The following SHC3 variants were observed in gnomAD, a reference collection of about 807,000 sequenced individuals.
SHC3 encodes the protein SHC adaptor protein 3.
Under a neutral mutation model 60.4 loss-of-function variants are expected in SHC3, and 15 were observed. The observed-to-expected ratio is 0.25, with a 90% CI of 0.17 to 0.38. The LOEUF is 0.38. Ranked by LOEUF, SHC3 falls within the 10% of genes least tolerant of loss-of-function variation. The pLI is 1.00. For missense variants in SHC3, 677 were observed against 786.1 expected (o/e 0.86, Z 1.66); for synonymous variants, 294 against 325.9 (o/e 0.90, Z 1.05).
chr9:89,082,471 G>A (rs1266432783), intron 2 of SHC3, among the ~76,000 whole-genome samples: 2 of 152,148 alleles, frequency 1.3e-5, no homozygotes, highest in Non-Finnish European at 2.9e-5. Context: ...GTTGGACATC[G>A]GTCCATGGGG....
At chr9:89,091,160 C>T (rs189294806) in intron 2 of SHC3, among the ~76,000 whole-genome samples, 1 of 152,228 alleles carries the variant, frequency 6.6e-6, no homozygotes, top group East Asian at 1.9e-4. Context: ...TCTTTTTGCA[C>T]TGAACAATAT....
At chr9:89,118,074 C>T (rs891686161) in intron 1 of SHC3, among the ~76,000 whole-genome samples, 5 of 151,986 alleles carry the variant, frequency 3.3e-5, no homozygotes, top group Admixed American at 6.6e-5. Context: ...AGTTTCCTTA[C>T]CCCTCAAAAA....
chr9:89,074,133 C>T (rs760394962), intron 4 of SHC3, among the ~76,000 whole-genome samples: 6 of 152,162 alleles, frequency 3.9e-5, no homozygotes, highest in Non-Finnish European at 7.3e-5. Context: ...TCTTGGGTGG[C>T]AGGTGGAGGA....
At chr9:89,062,235 T>A (rs1374055238) in intron 6 of SHC3, among the ~76,000 whole-genome samples, 1 of 152,208 alleles carries the variant, frequency 6.6e-6, no homozygotes. Flanking sequence ...GAAAATGATA[T>A]GTTAGAATTT....
At chr9:89,020,444 T>G (rs1362255585) in intron 11 of SHC3, among the ~76,000 whole-genome samples, 2 of 152,092 alleles carry the variant, frequency 1.3e-5, no homozygotes, top group East Asian at 3.9e-4. Flanking sequence ...CATCCTTCCC[T>G]CTGGGCCTCC....
chr9:89,045,441 C>T (rs547426098), intron 9 of SHC3, among the ~76,000 whole-genome samples: 6 of 152,000 alleles, frequency 3.9e-5, no homozygotes, highest in African/African-American at 7.3e-5. Flanking sequence ...CCACCACACC[C>T]GGCAAATTTT....
intron 1 of SHC3, among the ~76,000 whole-genome samples, chr9:89,143,526 C>A (rs1267939792): frequency 6.6e-6 from 1 of 152,150 alleles, no homozygotes; most frequent in Non-Finnish European, 1.5e-5. Flanking sequence ...GTTCAAATGC[C>A]TCTGACACTT....
In SHC3 at chr9:89,008,033, G is replaced by A. The variant is rs367668918; in HGVS notation, c.*5414C>T. ...TGCGTGTGTACAGAGATGCAGATCC[G>A]TTTTTAATCAATGTAAGTATATGCG... On this transcript the variant is annotated 3_prime_UTR_variant, in exon 12 of 12. Transcript: ENST00000375835. The A allele has an allele frequency of 4.6e-5, 7 of 152,204 alleles. No homozygotes were observed. Among genetic ancestry groups the A allele is most frequent in the Admixed American group, 6.5e-5 (1 of 15,282 alleles). The allele number at this position is 152,204 out of a possible 1,614,324, so 9.4% of individuals were successfully genotyped here. A position where few individuals can be genotyped will look rare whatever the true frequency, so the allele number is the denominator to read the frequency against.
rs189007913 is a variant in SHC3, at chr9:89,125,276, G to T, written c.475-12650C>A. On this transcript the variant is annotated intron_variant, in intron 1 of 11. Coordinates refer to ENST00000375835, the MANE Select transcript of SHC3 (RefSeq NM_016848.6). ...GCCTGTACGAGACATCTAAATTTCCGAGTTTGCTTTGTCTTATCAGTGTTG... is the reference window on the plus strand; with the variant it reads ...GCCTGTACGAGACATCTAAATTTCCTAGTTTGCTTTGTCTTATCAGTGTTG... 7.2e-5 allele frequency among the ~76,000 whole-genome samples: 11 copies of T among 152,198 alleles called. No homozygotes were observed. The East Asian group carries it at 1.7e-3, about 24-fold the overall frequency.
chr9:89,110,106 G>A, intron 2 of SHC3: 2 of 985,376 alleles, frequency 2.0e-6, no homozygotes, highest in Non-Finnish European at 2.4e-6. Flanking sequence ...AAAGAAAGAT[G>A]TTTTCCTTTC....
At chr9:89,077,941 A>T (rs765961024) in intron 2 of SHC3, 38 bp from the exon 3 acceptor site, 2 of 1,611,926 alleles carry the variant, frequency 1.2e-6, no homozygotes, top group African/African-American at 2.7e-5. Context: ...ATTACGTGTC[A>T]GTCGGGATTA....
At position 89,144,666 on chromosome 9, in the gene SHC3, T is replaced by C. The variant is rs149888203; in HGVS notation, c.475-32040A>G. Among the ~76,000 whole-genome samples, 933 of 152,370 alleles carry C rather than the reference T, an allele frequency of 6.1e-3. 9 individuals are homozygous for C. Among genetic ancestry groups the C allele is most frequent in the African/African-American group, 0.021 (876 of 41,586 alleles). ...TCATTTTCTTAAAATATATTTTTAA[T>C]GTATTTATTGGATTTTTAAATATAA... On this transcript the variant is annotated intron_variant, in intron 1 of 11. Transcript: ENST00000375835.
Position 89,042,056 on chromosome 9 carries a change from T to C in SHC3, c.1330A>G (p.Ser444Gly). 6.2e-7 allele frequency: 1 copy of C among 1,612,058 alleles called. No homozygotes were observed. The highest frequency in any genetic ancestry group is 8.5e-7 in the Non-Finnish European group (1 of 1,179,564). Residue 444 changes from serine to glycine, a missense_variant, in exon 10 of 12, where the codon AGC becomes GGC. By Grantham distance (56) the Ser-to-Gly change is moderately conservative. Transcript: ENST00000375835. ...TCAAAGAGGTCTTTCCTTGGGCTGC[T>C]CTCAGCACTGCTGACCGCAGCCGGC... ...AWPAAVSSAE[S>G]SPRKDLFDMK...
rs112179237 is a variant in SHC3, at chr9:89,065,050, C to T, written c.835+479G>A. Among the ~76,000 whole-genome samples, 831 of 152,190 alleles carry T rather than the reference C, an allele frequency of 5.5e-3. 8 individuals carry two copies. Among genetic ancestry groups the T allele is most frequent in the African/African-American group, 0.019 (772 of 41,524 alleles). On this transcript the variant is annotated intron_variant, in intron 6 of 11. Transcript: ENST00000375835. The stretch of plus-strand genomic sequence containing the variant: ...CAATGGGCTTTGGTTTTATAAATGA[C>T]TCCCCCCATCCAGCCTGTTCCTGAA...
intron 1 of SHC3, among the ~76,000 whole-genome samples, chr9:89,126,892 C>A (rs1021162589): frequency 1.3e-5 from 2 of 152,192 alleles, no homozygotes; most frequent in African/African-American, 2.4e-5. Flanking sequence ...GATGACCCAA[C>A]AAACTGGTCA....
intron 3 of SHC3, 128 bp from the exon 4 acceptor site, chr9:89,075,356 G>A: frequency 7.9e-7 from 1 of 1,258,528 alleles, no homozygotes; most frequent in Non-Finnish European, 1.1e-6. Context: ...AAGACAAAAT[G>A]TGAAATGAAT....
At chr9:89,018,694 TC>T (rs1337620735) in intron 11 of SHC3, among the ~76,000 whole-genome samples, 13 of 146,658 alleles carry the variant, frequency 8.9e-5, no homozygotes, top group Admixed American at 2.7e-4. Flanking sequence ...TTTCTTTCTT[TC>T]TTTCTTTTTT....
intron 1 of SHC3, among the ~76,000 whole-genome samples, chr9:89,149,742 C>G (rs1290786832): frequency 1.3e-5 from 2 of 152,250 alleles, no homozygotes; most frequent in Non-Finnish European, 2.9e-5. Context: ...CAGTAGATCC[C>G]CCTTATTTGT....
chr9:89,030,193 C>T (rs1043140386), intron 11 of SHC3, among the ~76,000 whole-genome samples: 1 of 152,036 alleles, frequency 6.6e-6, no homozygotes, highest in Non-Finnish European at 1.5e-5. Context: ...AAGTTATACA[C>T]ACATATGCGC....
Sources: allele counts gnomAD v4.1 joint callset (sites outside exome capture counted in the v4.1 genomes callset), GRCh38; gene constraint gnomAD v4.1.1; transcripts MANE v1.5; gene names NCBI Gene and HGNC (gene_info 2026-07-23, HGNC 2026-07-21).